SCHIP1: variants seen among roughly 807,000 people sequenced by gnomAD.
SCHIP1 encodes schwannomin-interacting protein 1.
SCHIP1 carries 8 observed loss-of-function variants against 29.7 expected under a neutral mutation model. That is an observed-to-expected ratio of 0.27 (90% CI 0.16 to 0.49). SCHIP1 has a LOEUF of 0.49. Among genes scored for constraint, SCHIP1 ranks in the 20% least tolerant of loss-of-function variants. The pLI is 0.99. For missense variants in SCHIP1, 193 were observed against 294.6 expected, an observed-to-expected ratio of 0.66 and a Z score of 2.52; for synonymous variants, 76 against 94.9, an observed-to-expected ratio of 0.80 and a Z score of 1.16.
At chr3:159,507,391 A>G in the SCHIP1 span, among the ~76,000 whole-genome samples, 1 of 152,358 alleles carries the variant, frequency 6.6e-6, no homozygotes, top group East Asian at 1.9e-4. Flanking sequence ...TTTTCTAAAT[A>G]TACAATCATG....
the SCHIP1 span, among the ~76,000 whole-genome samples, chr3:159,396,655 C>A: frequency 6.6e-6 from 1 of 152,228 alleles, no homozygotes; most frequent in Non-Finnish European, 1.5e-5. Flanking sequence ...GGCCCCAACT[C>A]TCCTCTGGCT....
the SCHIP1 span, chr3:159,765,010 A>C: frequency 2.6e-6 from 4 of 1,533,540 alleles, no homozygotes; most frequent in Non-Finnish European, 3.5e-6. Flanking sequence ...AGACGGCGGG[A>C]CGTGCGTCCC....
At chr3:159,821,125 G>C in the SCHIP1 span, among the ~76,000 whole-genome samples, 2 of 152,226 alleles carry the variant, frequency 1.3e-5, no homozygotes, top group East Asian at 1.9e-4. Flanking sequence ...AGAACCAGAG[G>C]AGAACGTTGT....
the SCHIP1 span, among the ~76,000 whole-genome samples, chr3:159,471,064 G>C: frequency 6.6e-6 from 1 of 152,018 alleles, no homozygotes; most frequent in Non-Finnish European, 1.5e-5. Flanking sequence ...CTGTAAGTTT[G>C]TCCTAATTTA....
chr3:159,452,288 A>C, the SCHIP1 span, among the ~76,000 whole-genome samples: 1 of 151,940 alleles, frequency 6.6e-6, no homozygotes. Context: ...TCTTAATGCT[A>C]TCTCTCCCCT....
At chr3:159,890,591 A>G (rs1213299615) in intron 5 of SCHIP1, among the ~76,000 whole-genome samples, 1 of 152,226 alleles carries the variant, frequency 6.6e-6, no homozygotes, top group African/African-American at 2.4e-5. Flanking sequence ...TTTTAAAAAA[A>G]TTCTACAACT....
At chr3:159,321,628 A>G in the SCHIP1 span, among the ~76,000 whole-genome samples, 2,791 of 152,224 alleles carry the variant, frequency 0.018, 43 homozygotes, top group Non-Finnish European at 0.03. Context: ...GGTTAGTTAC[A>G]TATGTATACA....
At chr3:159,571,263 G>C in the SCHIP1 span, among the ~76,000 whole-genome samples, 1 of 152,160 alleles carries the variant, frequency 6.6e-6, no homozygotes, top group African/African-American at 2.4e-5. Context: ...TATATTGGCT[G>C]TGGGTTTGTC....
the SCHIP1 span, among the ~76,000 whole-genome samples, chr3:159,383,105 A>G: frequency 2.0e-5 from 3 of 149,812 alleles, no homozygotes; most frequent in African/African-American, 7.4e-5. Flanking sequence ...AAAGCTCTTT[A>G]GTTTAATTAG....
At chr3:159,286,537 T>C in the SCHIP1 span, among the ~76,000 whole-genome samples, 2 of 152,206 alleles carry the variant, frequency 1.3e-5, no homozygotes, top group African/African-American at 2.4e-5. Context: ...TTAGCATACA[T>C]GAGCATGTGT....
the SCHIP1 span, among the ~76,000 whole-genome samples, chr3:159,382,349 T>C: frequency 2.7e-5 from 4 of 150,328 alleles, no homozygotes; most frequent in Admixed American, 6.7e-5. Flanking sequence ...TGAGTGAGAA[T>C]ATGCGGTGTT....
the SCHIP1 span, among the ~76,000 whole-genome samples, chr3:159,719,091 C>A: frequency 6.6e-6 from 1 of 152,148 alleles, no homozygotes; most frequent in South Asian, 2.1e-4. Context: ...CATCTACAAC[C>A]ATCCCATCTT....
chr3:159,310,057 C>G, the SCHIP1 span, among the ~76,000 whole-genome samples: 1 of 152,176 alleles, frequency 6.6e-6, no homozygotes, highest in Admixed American at 6.5e-5. Context: ...CTTGTCACTA[C>G]CTGCTCAAAT....
the SCHIP1 span, among the ~76,000 whole-genome samples, chr3:159,655,379 A>G: frequency 3.6e-4 from 54 of 151,976 alleles, no homozygotes; most frequent in Non-Finnish European, 6.2e-4. Context: ...CAGTAGTAGT[A>G]GTGATGATGA....
At chr3:159,836,686 A>C (rs1001030319), upstream of SCHIP1, among the ~76,000 whole-genome samples, 1 of 152,186 alleles carries the variant, frequency 6.6e-6, no homozygotes, top group Non-Finnish European at 1.5e-5. Flanking sequence ...TTTGAAACTC[A>C]ATACTTTTTA....
the SCHIP1 span, among the ~76,000 whole-genome samples, chr3:159,750,117 T>G: frequency 6.6e-6 from 1 of 151,886 alleles, no homozygotes; most frequent in African/African-American, 2.4e-5. Context: ...TATTTCCTTA[T>G]ATTCATAAAC....
the SCHIP1 span, among the ~76,000 whole-genome samples, chr3:159,473,552 G>C: frequency 0.15 from 23,267 of 150,694 alleles, 2,013 homozygotes; most frequent in South Asian, 0.32. Flanking sequence ...ATTCTTAAAA[G>C]AAAATTTGCT....
At chr3:159,565,448 G>GT in the SCHIP1 span, among the ~76,000 whole-genome samples, 1 of 152,104 alleles carries the variant, frequency 6.6e-6, no homozygotes, top group African/African-American at 2.4e-5. Flanking sequence ...TCTGCCTGGG[G>GT]TTTTGGCGCA....
At chr3:159,331,350 T>C in the SCHIP1 span, among the ~76,000 whole-genome samples, 4 of 152,186 alleles carry the variant, frequency 2.6e-5, no homozygotes, top group Non-Finnish European at 5.9e-5. Context: ...AAATGGTCAC[T>C]CTTTCCTTCG....
Sources: allele counts gnomAD v4.1 joint callset (sites outside exome capture counted in the v4.1 genomes callset), GRCh38; gene constraint gnomAD v4.1.1; transcripts MANE v1.5; gene names NCBI Gene and HGNC (gene_info 2026-07-23, HGNC 2026-07-21).